OSBPL3: variants seen among roughly 807,000 people sequenced by gnomAD.
OSBPL3 encodes the protein oxysterol binding protein like 3.
A neutral mutation model predicts 120.1 loss-of-function variants in OSBPL3; 65 were observed. That is an observed-to-expected ratio of 0.54 (90% confidence interval 0.44 to 0.67). The LOEUF is 0.67. OSBPL3 is among the 30% of genes least tolerant of loss of function. OSBPL3 has a pLI of 0.00. For missense variants in OSBPL3, 1,004 were observed against 1,082.1 expected (o/e 0.93, Z 1.01); for synonymous variants, 416 against 402.6 (o/e 1.03, Z -0.40).
chr7:24,954,646 A>G (rs1814828364), intron 1 of OSBPL3, among the ~76,000 whole-genome samples: 1 of 152,168 alleles, frequency 6.6e-6, no homozygotes, highest in East Asian at 1.9e-4. Context: ...TCCTGACCCC[A>G]TCTCCTACAA....
chr7:24,814,581 A>G (rs1794237634), intron 19 of OSBPL3, among the ~76,000 whole-genome samples: 1 of 152,160 alleles, frequency 6.6e-6, no homozygotes, highest in Non-Finnish European at 1.5e-5. Flanking sequence ...ACCACTATCT[A>G]TTTCTAGAAC....
chr7:24,962,461 GA>G (rs1815897118), intron 1 of OSBPL3, among the ~76,000 whole-genome samples: 1 of 149,636 alleles, frequency 6.7e-6, no homozygotes, highest in African/African-American at 2.5e-5. Context: ...GAGAGAGGAG[GA>G]GAGAGGAGGA....
chr7:24,930,000 T>C (rs371255163), intron 1 of OSBPL3, among the ~76,000 whole-genome samples: 6 of 152,326 alleles, frequency 3.9e-5, no homozygotes, highest in East Asian at 1.9e-4. Flanking sequence ...CTCTGGGTTC[T>C]CATAGAGCAA....
rs1562990984 is a variant in OSBPL3, at chr7:24,938,833, G to GTGTT, written c.-150+41052_-150+41053insAACA. Among the ~76,000 whole-genome samples, 2 of 136,464 alleles carry GTGTT rather than the reference G, an allele frequency of 1.5e-5. No homozygotes were observed. Among genetic ancestry groups the GTGTT allele is most frequent in the African/African-American group, 5.4e-5 (2 of 36,858 alleles). 89.5% of individuals were successfully genotyped at this position (136,464 alleles called of 152,430 possible). A position where few individuals can be genotyped will look rare whatever the true frequency, so the allele number is the denominator to read the frequency against. ...TGTGTGTGTGTGTGTGTGTGTGTGT[G>GTGTT]TTTTGAGAGCAAAACTAATGTGGCC... is the stretch of plus-strand genomic sequence containing the variant. On this transcript the variant is annotated intron_variant, in intron 1 of 22. Coordinates refer to ENST00000313367, the MANE Select transcript of OSBPL3 (RefSeq NM_015550.4). This position sits in a 1 kb window ranked among gnomAD's most constrained non-coding sequence, Gnocchi z 5.8.
intron 1 of OSBPL3, among the ~76,000 whole-genome samples, chr7:24,958,608 C>T (rs1392817565): frequency 6.6e-6 from 1 of 152,166 alleles, no homozygotes; most frequent in Non-Finnish European, 1.5e-5. Flanking sequence ...GCCTAGGGAG[C>T]ATTTTTAACA....
At position 24,830,675 on chromosome 7, in the gene OSBPL3, C is replaced by A; in HGVS notation, c.1884+93G>T. 2 of 1,208,566 alleles carry A rather than the reference C, an allele frequency of 1.7e-6. No homozygotes were observed. The highest frequency in any genetic ancestry group is 1.2e-6 in the Non-Finnish European group (1 of 859,836). 74.9% of individuals were successfully genotyped at this position (1,208,566 alleles called of 1,614,324 possible). A position where few individuals can be genotyped will look rare whatever the true frequency, so the allele number is the denominator to read the frequency against. On this transcript the variant is annotated intron_variant, in intron 16 of 22. Transcript: ENST00000313367. The surrounding 1 kb of genome is among the most constrained non-coding windows in gnomAD (Gnocchi z 4.4). Reference sequence around the variant, plus strand: ...TGTAATTATCTCGGCTGCTTTGAAGCCAGTGAAAGGTGGAAGATAAATATT... The same window carrying A: ...TGTAATTATCTCGGCTGCTTTGAAGACAGTGAAAGGTGGAAGATAAATATT...
intron 5 of OSBPL3, among the ~76,000 whole-genome samples, chr7:24,868,584 C>T (rs1801685363): frequency 6.6e-6 from 1 of 152,046 alleles, no homozygotes; most frequent in Non-Finnish European, 1.5e-5. Flanking sequence ...CAAATAAATG[C>T]CAGCAATATC....
rs1189603793 is a variant in OSBPL3, at chr7:24,871,762, A to G, written c.247T>C (p.Tyr83His). 1 of 1,613,288 alleles carries G rather than the reference A, an allele frequency of 6.2e-7. No homozygotes were observed. The highest frequency in any genetic ancestry group is 1.7e-5 in the Admixed American group (1 of 60,016). ...FFYLDKGILK[Y>H]AKSQTDIERE... ...CTTACATCGGTTTGGCTCTTGGCAT[A>G]TTTCAAGATTCCTTTGTCCAGATAG... The change falls in exon 4 of 23, where the codon TAT becomes CAT. Residue 83 changes from tyrosine to histidine, a missense_variant. Around this residue, in one of 4 missense-constraint regions of OSBPL3, gnomAD observed 255 missense variants for 248.7 expected, o/e 1.03. Coordinates refer to ENST00000313367, the MANE Select transcript of OSBPL3 (RefSeq NM_015550.4). This position sits in a 1 kb window ranked among gnomAD's most constrained non-coding sequence, Gnocchi z 4.8.
intron 1 of OSBPL3, among the ~76,000 whole-genome samples, chr7:24,948,568 C>T (rs562845398): frequency 6.6e-6 from 1 of 152,276 alleles, no homozygotes; most frequent in South Asian, 2.1e-4. Flanking sequence ...TACCTTCTTC[C>T]AGCCCTATTC....
chr7:24,861,884 C>CTTT (rs11324094), intron 9 of OSBPL3, 115 bp from the exon 10 acceptor site: 9 of 300,042 alleles, frequency 3.0e-5, no homozygotes, highest in South Asian at 4.9e-5. Context: ...ATAGGTAGGT[C>CTTT]TTTTTTTTTT....
chr7:24,954,308 C>T (rs1159868350), intron 1 of OSBPL3, among the ~76,000 whole-genome samples: 2 of 152,168 alleles, frequency 1.3e-5, no homozygotes, highest in African/African-American at 2.4e-5. Context: ...ACTTTTTAAT[C>T]CTTTCTCCAT....
intron 1 of OSBPL3, among the ~76,000 whole-genome samples, chr7:24,908,604 G>A (rs1364901641): frequency 6.6e-6 from 1 of 152,166 alleles, no homozygotes; most frequent in Non-Finnish European, 1.5e-5. Context: ...CACGCTAACC[G>A]TGGTGAGACA....
intron 14 of OSBPL3, among the ~76,000 whole-genome samples, chr7:24,839,915 C>T (rs558419823): frequency 7.9e-4 from 109 of 138,398 alleles, no homozygotes; most frequent in Non-Finnish European, 1.2e-3. Flanking sequence ...CGCTTTAACC[C>T]GGGAGGCAGA....
At position 24,946,697 on chromosome 7, in the gene OSBPL3, C is replaced by T. The variant is rs118016495; in HGVS notation, c.-150+33189G>A. On this transcript the variant is annotated intron_variant, in intron 1 of 22. Transcript: ENST00000313367. The surrounding 1 kb of genome is among the most constrained non-coding windows in gnomAD (Gnocchi z 4.3). Reference sequence around the variant, plus strand: ...ACCAGAGTCCTGCCATTAAGAAGGGCAGGCTCAGGTCCATCTTATCCACTC... The same window carrying T: ...ACCAGAGTCCTGCCATTAAGAAGGGTAGGCTCAGGTCCATCTTATCCACTC... Among the ~76,000 whole-genome samples the T allele has an allele frequency of 9.8e-3, 1,493 of 152,298 alleles. 14 individuals carry two copies. Among genetic ancestry groups the T allele is most frequent in the Non-Finnish European group, 0.014 (947 of 68,024 alleles).
intron 2 of OSBPL3, among the ~76,000 whole-genome samples, chr7:24,875,573 T>C (rs1489458557): frequency 3.3e-5 from 5 of 152,128 alleles, no homozygotes; most frequent in African/African-American, 7.2e-5. Context: ...CATTTGGACA[T>C]AGTGGCTCAT....
rs1803749536 is a variant in OSBPL3 at position 24,881,955 on chromosome 7, T to C, written c.97-9886A>G. 6.6e-6 allele frequency among the ~76,000 whole-genome samples: 1 copy of C among 152,198 alleles called. No homozygotes were observed. The highest frequency in any genetic ancestry group is 1.5e-5 in the Non-Finnish European group (1 of 68,038). ...TCTGTCTTCTCCCGAACGTGTTTCT[T>C]ATAAGGACATTTGTCAGTGAATTTA... On this transcript the variant is annotated intron_variant, in intron 2 of 22. Coordinates refer to ENST00000313367, the MANE Select transcript of OSBPL3 (RefSeq NM_015550.4). The surrounding 1 kb of genome is among the most constrained non-coding windows in gnomAD (Gnocchi z 4.3).
chr7:24,802,584 A>C lies in OSBPL3; in HGVS notation c.2567+1731T>G, dbSNP rs17150180. On this transcript the variant is annotated intron_variant, in intron 22 of 22. Transcript: ENST00000313367. This position sits in a 1 kb window ranked among gnomAD's most constrained non-coding sequence, Gnocchi z 4.1. ...TTACATGGTAATGTGTTTCCAGCAG[A>C]GCTCCACAGGCTTCGTAAGGTCATC... Among the ~76,000 whole-genome samples, 21,798 of 152,174 alleles carry C rather than the reference A, an allele frequency of 0.14. 2,072 individuals are homozygous for C. The highest frequency in any genetic ancestry group is 0.51 in the East Asian group (2,645 of 5,170).
At chr7:24,981,271 G>GGT (rs1818316301), upstream of OSBPL3, 1 of 152,226 alleles carries the variant, frequency 6.6e-6, no homozygotes, top group South Asian at 2.1e-4. This position sits in a 1 kb window ranked among gnomAD's most constrained non-coding sequence, Gnocchi z 7.3. Flanking sequence ...TCTAGGCGAG[G>GGT]GTGGCTTTTA....
At position 24,893,079 on chromosome 7, in the gene OSBPL3, T is replaced by G. The variant is rs187851953; in HGVS notation, c.-149-458A>C. Among the ~76,000 whole-genome samples the G allele has an allele frequency of 1.1e-4, 16 of 152,278 alleles. No individual in the cohort carries two copies. The East Asian group carries it at 3.1e-3, about 29-fold the overall frequency. On this transcript the variant is annotated intron_variant, in intron 1 of 22. Coordinates refer to ENST00000313367, the MANE Select transcript of OSBPL3 (RefSeq NM_015550.4). ...TGGTAGCTGTTCTATTTCTCAAAAA[T>G]TTAAACATAGAATTATCATATGATC...
Sources: allele counts gnomAD v4.1 joint callset (sites outside exome capture counted in the v4.1 genomes callset), GRCh38; gene constraint gnomAD v4.1.1; regional missense constraint gnomAD v4.1.1; non-coding constraint Gnocchi (gnomAD v3.1); transcripts MANE v1.5; gene names NCBI Gene and HGNC (gene_info 2026-07-23, HGNC 2026-07-21).